GPN3: variants seen among roughly 807,000 people sequenced by gnomAD.
GPN3 encodes ATP-binding domain 1 family member C.
A neutral mutation model predicts 38.7 loss-of-function variants in GPN3; 31 were observed. The observed-to-expected ratio is 0.80, with a 90% CI of 0.60 to 1.08. The LOEUF is 1.08. Ranked by LOEUF, GPN3 falls within the 50% of genes least tolerant of loss-of-function variation. GPN3 has a pLI of 0.00. For missense variants in GPN3, 301 were observed against 354.4 expected, an observed-to-expected ratio of 0.85 and a Z score of 1.21; for synonymous variants, 116 against 120.2, an observed-to-expected ratio of 0.96 and a Z score of 0.23.
At chr12:110,459,366 G>A (rs570085171) in intron 3 of GPN3, among the ~76,000 whole-genome samples, 6 of 151,334 alleles carry the variant, frequency 4.0e-5, no homozygotes, top group East Asian at 3.9e-4. Context: ...TCAGCCTCCC[G>A]AGCAGCTGGG....
At chr12:110,468,595 T>G, upstream of GPN3, 1 of 1,537,262 alleles carries the variant, frequency 6.5e-7, no homozygotes, top group South Asian at 1.2e-5. Context: ...GCTGAGGATC[T>G]GGAATACTGA....
intron 1 of GPN3, 78 bp from the exon 2 acceptor site, chr12:110,465,292 C>T: frequency 1.2e-6 from 1 of 847,540 alleles, no homozygotes; most frequent in Non-Finnish European, 2.1e-6. Flanking sequence ...ATACTATCCA[C>T]TAAGGTCAAA....
intron 3 of GPN3, among the ~76,000 whole-genome samples, chr12:110,458,000 C>A (rs1007821176): frequency 2.0e-5 from 3 of 151,846 alleles, no homozygotes. Flanking sequence ...CGTGGTGGTG[C>A]GCGCCTGTGG....
chr12:110,455,192 C>T (rs998693268), intron 6 of GPN3, among the ~76,000 whole-genome samples: 2 of 151,816 alleles, frequency 1.3e-5, no homozygotes, highest in Admixed American at 1.3e-4. Flanking sequence ...GGCATGATCT[C>T]AACTCACTGC....
chr12:110,453,119 T>C (rs2062524827), intron 7 of GPN3, 23 bp from the exon 8 acceptor site: 3 of 1,127,072 alleles, frequency 2.7e-6, no homozygotes, highest in African/African-American at 1.5e-5. Context: ...AAACACAAAA[T>C]AGAAAATATA....
chr12:110,464,591 CTTTTT>C (rs890127843), intron 2 of GPN3, among the ~76,000 whole-genome samples: 1 of 134,360 alleles, frequency 7.4e-6, no homozygotes, highest in Non-Finnish European at 1.6e-5. Flanking sequence ...TGTCCATTTA[CTTTTT>C]TTTTTTTTTT....
At chr12:110,461,442 A>C in intron 2 of GPN3, 2 of 572,420 alleles carry the variant, frequency 3.5e-6, no homozygotes, top group East Asian at 2.9e-5. Context: ...ACAAACAAAA[A>C]TAGAAAAATT....
chr12:110,460,977 G>T, intron 2 of GPN3: 1 of 1,293,700 alleles, frequency 7.7e-7, no homozygotes, highest in South Asian at 1.2e-5. Flanking sequence ...TTCCAACTTG[G>T]ACCCAGCAGA....
intron 4 of GPN3, 23 bp downstream of exon 4, chr12:110,457,486 TC>T: frequency 7.1e-5 from 36 of 505,142 alleles, no homozygotes; most frequent in Non-Finnish European, 9.9e-5. Flanking sequence ...AAAAAAAAAA[TC>T]TGTAAGAGAT....
chr12:110,465,975 G>A (rs903906463), intron 1 of GPN3, among the ~76,000 whole-genome samples: 13 of 152,020 alleles, frequency 8.6e-5, no homozygotes, highest in African/African-American at 2.7e-4. Flanking sequence ...TACTCAGGAG[G>A]CTGAGGCAGG....
At chr12:110,456,385 A>G (rs1194748244) in intron 4 of GPN3, among the ~76,000 whole-genome samples, 1 of 151,648 alleles carries the variant, frequency 6.6e-6, no homozygotes, top group Non-Finnish European at 1.5e-5. Flanking sequence ...AAAAGGCAAA[A>G]TTATTTATAT....
Position 110,459,873 on chromosome 12 carries a change from C to A in GPN3, c.158-11G>T. 2 of 1,610,386 alleles carry A rather than the reference C, an allele frequency of 1.2e-6. No homozygotes were observed. Among genetic ancestry groups the A allele is most frequent in the African/African-American group, 2.7e-5 (2 of 74,972 alleles). ...TCAGTTCCCGGATGTCTGAAAAGGA[C>A]AGATAGGGCCCAGAATATATGTGTC... On this transcript the variant is annotated splice_polypyrimidine_tract_variant and intron_variant, in intron 2 of 7. Transcript: ENST00000228827.
At chr12:110,454,206 T>G (rs561821635) in intron 6 of GPN3, among the ~76,000 whole-genome samples, 14 of 152,214 alleles carry the variant, frequency 9.2e-5, no homozygotes, top group Non-Finnish European at 1.6e-4. Context: ...AGTTTATTTA[T>G]TGGCCACTAC....
At chr12:110,467,469 TG>T (rs1280204205) in intron 1 of GPN3, among the ~76,000 whole-genome samples, 1 of 152,204 alleles carries the variant, frequency 6.6e-6, no homozygotes, top group East Asian at 1.9e-4. Flanking sequence ...AATCTTTAAA[TG>T]TTCTATTTTT....
chr12:110,453,868 C>A lies in GPN3; in HGVS notation c.667G>T (p.Asp223Tyr). Residue 223 changes from aspartate to tyrosine, a missense_variant, in exon 7 of 8, where the codon GAT becomes TAT. Coordinates refer to ENST00000228827, the MANE Select transcript of GPN3 (RefSeq NM_016301.4). The stretch of plus-strand genomic sequence containing the variant: ...AAAAATCGAACCATGCTGTAGTCAT[C>A]AATCTACAAGTTGTGGATTTCAAGA... Reference protein sequence around the residue: ...KLTKAICGLIDDYSMVRFLPY... With the variant: ...KLTKAICGLIYDYSMVRFLPY... 1 of 1,603,522 alleles carries A rather than the reference C, an allele frequency of 6.2e-7. No individual in the cohort carries two copies. The highest frequency in any genetic ancestry group is 8.5e-7 in the Non-Finnish European group (1 of 1,173,220).
At position 110,468,179 on chromosome 12, in the gene GPN3, T is replaced by C. The variant is rs1200994185; in HGVS notation, c.25A>G (p.Met9Val). ...ACCTTCCCGCTGCCCGCGGGGCCCA[T>C]GACCAGCTGCGCATACCGAGGCATG... is the stretch of plus-strand genomic sequence containing the variant. MPRYAQLV[M>V]GPAGSGKSTY... Residue 9 changes from methionine to valine, a missense_variant, in exon 1 of 8, where the codon ATG becomes GTG. Coordinates refer to ENST00000228827, the MANE Select transcript of GPN3 (RefSeq NM_016301.4). 1 of 1,612,266 alleles carries C rather than the reference T, an allele frequency of 6.2e-7. No individual in the cohort carries two copies. Among genetic ancestry groups the C allele is most frequent in the Admixed American group, 1.7e-5 (1 of 60,020 alleles).
intron 2 of GPN3, among the ~76,000 whole-genome samples, chr12:110,464,207 C>T (rs77580102): frequency 8.1e-4 from 123 of 152,174 alleles, no homozygotes; most frequent in Non-Finnish European, 9.7e-4. Flanking sequence ...ATATTACCAT[C>T]CTTCAGGTCT....
upstream of GPN3, chr12:110,468,485 G>A (rs2062654257): frequency 6.5e-7 from 1 of 1,537,236 alleles, no homozygotes; most frequent in Admixed American, 2.0e-5. Context: ...AGTAATAACG[G>A]ACAACAGATA....
chr12:110,458,956 G>A lies in GPN3; in HGVS notation c.325+739C>T, dbSNP rs2062568063. On this transcript the variant is annotated intron_variant, in intron 3 of 7. Coordinates refer to ENST00000228827, the MANE Select transcript of GPN3 (RefSeq NM_016301.4). This position sits in a 1 kb window ranked among gnomAD's most constrained non-coding sequence, Gnocchi z 4.4. ...GCTTTGTTCCTTCCTCCTGGGAGGTGTTCAGCAGGCTGTGCCCTCTGCCTT... is the reference window on the plus strand; with the variant it reads ...GCTTTGTTCCTTCCTCCTGGGAGGTATTCAGCAGGCTGTGCCCTCTGCCTT... Among the ~76,000 whole-genome samples, 1 of 152,136 alleles carries A rather than the reference G, an allele frequency of 6.6e-6. No homozygotes were observed. Among genetic ancestry groups the A allele is most frequent in the Non-Finnish European group, 1.5e-5 (1 of 68,028 alleles).
Sources: allele counts gnomAD v4.1 joint callset (sites outside exome capture counted in the v4.1 genomes callset), GRCh38; gene constraint gnomAD v4.1.1; non-coding constraint Gnocchi (gnomAD v3.1); transcripts MANE v1.5; gene names NCBI Gene and HGNC (gene_info 2026-07-23, HGNC 2026-07-21).